NICOL1: variants seen among roughly 807,000 people sequenced by gnomAD.
NICOL1 encodes the protein NELL2-interacting cell ontogeny regulator 1.
At chr4:2,039,788 C>T in the NICOL1 span, among the ~76,000 whole-genome samples, 1 of 152,080 alleles carries the variant, frequency 6.6e-6, no homozygotes, top group Admixed American at 6.6e-5. Context: ...CGCAGTGAGC[C>T]TAGATCATGC....
chr4:2,037,130 T>C, the NICOL1 span, among the ~76,000 whole-genome samples: 1 of 152,206 alleles, frequency 6.6e-6, no homozygotes, highest in Non-Finnish European at 1.5e-5. Flanking sequence ...GTCTTCCTCC[T>C]GCTCTGCCAT....
the NICOL1 span, chr4:2,042,213 C>T: frequency 7.3e-7 from 1 of 1,360,582 alleles, no homozygotes; most frequent in South Asian, 1.6e-5. Flanking sequence ...TGGGTGGGTC[C>T]AGGGCTCCCA....
the NICOL1 span, among the ~76,000 whole-genome samples, chr4:2,036,997 G>A: frequency 1.3e-5 from 2 of 151,928 alleles, no homozygotes; most frequent in Non-Finnish European, 2.9e-5. Flanking sequence ...CCCCAGTGTT[G>A]GAGGAGGGGC....
At chr4:2,042,665 C>A in the NICOL1 span, 1 of 892,020 alleles carries the variant, frequency 1.1e-6, no homozygotes, top group Non-Finnish European at 1.7e-6. Context: ...GGTGGACGGG[C>A]CCAGAGTGCG....
chr4:2,038,284 T>TATAA, the NICOL1 span, among the ~76,000 whole-genome samples: 6 of 114,892 alleles, frequency 5.2e-5, no homozygotes, highest in African/African-American at 9.8e-5. Context: ...TATATATATA[T>TATAA]AAAATTAAAA....
chr4:2,037,650 AAAAT>A, the NICOL1 span, among the ~76,000 whole-genome samples: 2 of 152,242 alleles, frequency 1.3e-5, no homozygotes, highest in Non-Finnish European at 2.9e-5. Flanking sequence ...TGAATTGTTA[AAAAT>A]AAATTAGGTA....
the NICOL1 span, among the ~76,000 whole-genome samples, chr4:2,040,530 C>T: frequency 6.6e-6 from 1 of 152,226 alleles, no homozygotes; most frequent in African/African-American, 2.4e-5. Flanking sequence ...GGCTCCGCGG[C>T]CCCGGCAACA....
the NICOL1 span, chr4:2,043,934 G>A: frequency 7.1e-6 from 11 of 1,542,776 alleles, no homozygotes; most frequent in South Asian, 2.4e-5. Context: ...TGAGGACCAC[G>A]CTGCTCCGTG....
chr4:2,041,003 G>T, the NICOL1 span, among the ~76,000 whole-genome samples: 1 of 152,130 alleles, frequency 6.6e-6, no homozygotes, highest in African/African-American at 2.4e-5. Flanking sequence ...CTAGGCTGGG[G>T]AGGGGGGCGC....
chr4:2,038,262 T>C, the NICOL1 span, among the ~76,000 whole-genome samples: 2 of 70,142 alleles, frequency 2.9e-5, no homozygotes, highest in Non-Finnish European at 5.5e-5. Flanking sequence ...TATATATATA[T>C]ATATATATAT....
the NICOL1 span, among the ~76,000 whole-genome samples, chr4:2,040,710 G>A: frequency 6.6e-6 from 1 of 152,204 alleles, no homozygotes; most frequent in African/African-American, 2.4e-5. Context: ...CCCCCACCCG[G>A]CCCCTCGGGC....
At chr4:2,039,162 C>T in the NICOL1 span, among the ~76,000 whole-genome samples, 3 of 151,932 alleles carry the variant, frequency 2.0e-5, no homozygotes, top group Non-Finnish European at 2.9e-5. Flanking sequence ...GCCTGTAGTC[C>T]CAGTACTTCG....
At chr4:2,041,793 G>T in the NICOL1 span, 1 of 498,656 alleles carries the variant, frequency 2.0e-6, no homozygotes, top group Non-Finnish European at 3.4e-6. Flanking sequence ...GTCTCGCCCC[G>T]GCGCCGCCTC....
the NICOL1 span, chr4:2,042,935 C>T: frequency 1.7e-4 from 114 of 684,700 alleles, no homozygotes; most frequent in African/African-American, 2.1e-3. Context: ...TCCTTCACCC[C>T]GATTTAAGAT....
At chr4:2,040,746 G>C in the NICOL1 span, among the ~76,000 whole-genome samples, 1 of 152,238 alleles carries the variant, frequency 6.6e-6, no homozygotes, top group Non-Finnish European at 1.5e-5. Context: ...GCGCGCTGAG[G>C]ATGCAGCACA....
chr4:2,038,177 GATTATTTGACATGTTTAA>G, the NICOL1 span, among the ~76,000 whole-genome samples: 2 of 137,526 alleles, frequency 1.5e-5, no homozygotes, highest in Non-Finnish European at 3.1e-5. Context: ...TGATCTGTAT[GATTATTTGACATGTTTAA>G]ATTATTTGAC....
the NICOL1 span, chr4:2,043,949 T>C: frequency 2.6e-6 from 4 of 1,532,538 alleles, no homozygotes; most frequent in South Asian, 4.9e-5. Context: ...TCCGTGTGAA[T>C]AAATGCCCAG....
At chr4:2,038,237 GTATATATATATATATATATATATA>G in the NICOL1 span, among the ~76,000 whole-genome samples, 389 of 91,468 alleles carry the variant, frequency 4.3e-3, 6 homozygotes, top group Non-Finnish European at 6.4e-3. Context: ...TGATCAGTGT[GTATATATATATATATATATATATA>G]TATATATATA....
chr4:2,040,685 G>A, the NICOL1 span, among the ~76,000 whole-genome samples: 1 of 152,312 alleles, frequency 6.6e-6, no homozygotes, highest in East Asian at 1.9e-4. Context: ...AGGCGCCTGG[G>A]ACAGCGGCCC....
Sources: gnomAD v4.1 joint callset for allele counts (sites outside exome capture counted in the v4.1 genomes callset) on GRCh38, gnomAD v4.1.1 for gene constraint, MANE v1.5 for transcripts, NCBI Gene and HGNC (gene_info 2026-07-23, HGNC 2026-07-21) for gene names.